Variants in ARB2A observed in about 807,000 individuals in gnomAD.
ARB2A encodes cotranscriptional regulator ARB2A.
the ARB2A span, among the ~76,000 whole-genome samples, chr5:94,032,991 A>AT: frequency 6.6e-6 from 1 of 152,134 alleles, no homozygotes; most frequent in South Asian, 2.1e-4. Context: ...TGCTGTTCTC[A>AT]TGATAGTGAG....
the ARB2A span, among the ~76,000 whole-genome samples, chr5:93,716,228 C>T: frequency 6.6e-6 from 1 of 152,060 alleles, no homozygotes; most frequent in South Asian, 2.1e-4. Context: ...AATCTTGCTA[C>T]CTTTGAGTCT....
chr5:93,773,384 G>C, the ARB2A span, among the ~76,000 whole-genome samples: 1 of 152,144 alleles, frequency 6.6e-6, no homozygotes, highest in African/African-American at 2.4e-5. Context: ...TACACAATGG[G>C]TAATAAGTAG....
the ARB2A span, among the ~76,000 whole-genome samples, chr5:93,956,704 A>G: frequency 7.6e-4 from 116 of 151,852 alleles, no homozygotes; most frequent in African/African-American, 2.6e-3. Flanking sequence ...AGAATGGGAC[A>G]GCTTCTTATT....
the ARB2A span, among the ~76,000 whole-genome samples, chr5:94,081,470 T>A: frequency 1.0e-3 from 154 of 152,254 alleles, no homozygotes; most frequent in Non-Finnish European, 1.9e-3. Context: ...ATAAACAAAA[T>A]ATGGTATATC....
the ARB2A span, among the ~76,000 whole-genome samples, chr5:93,943,761 T>C: frequency 1.3e-5 from 2 of 152,132 alleles, no homozygotes; most frequent in Admixed American, 1.3e-4. Context: ...CTGAAAAATT[T>C]CACACCATAT....
At chr5:93,683,268 C>T in the ARB2A span, 7 of 1,590,192 alleles carry the variant, frequency 4.4e-6, no homozygotes, top group African/African-American at 2.7e-5. Context: ...TTCTGTGGAA[C>T]CTTGCTACCA....
the ARB2A span, among the ~76,000 whole-genome samples, chr5:93,747,670 C>T: frequency 2.6e-5 from 4 of 152,076 alleles, no homozygotes; most frequent in African/African-American, 4.8e-5. Flanking sequence ...GAGCAAAATA[C>T]TCATGCCCAA....
the ARB2A span, among the ~76,000 whole-genome samples, chr5:93,872,244 G>A: frequency 1.9e-4 from 29 of 152,014 alleles, 1 homozygote; most frequent in Admixed American, 1.6e-3. Flanking sequence ...CACTGTGCCC[G>A]GTCCCACTGG....
At chr5:93,840,180 C>T in the ARB2A span, among the ~76,000 whole-genome samples, 6 of 152,042 alleles carry the variant, frequency 3.9e-5, no homozygotes, top group East Asian at 1.9e-4. Context: ...AGCGGTGTCC[C>T]AGAAATTCAG....
At chr5:93,852,536 A>G in the ARB2A span, among the ~76,000 whole-genome samples, 2 of 152,112 alleles carry the variant, frequency 1.3e-5, no homozygotes, top group Non-Finnish European at 2.9e-5. Context: ...GCCCATGCCT[A>G]TGTCCTGAAT....
chr5:93,649,162 G>T, the ARB2A span, among the ~76,000 whole-genome samples: 1 of 151,816 alleles, frequency 6.6e-6, no homozygotes, highest in Non-Finnish European at 1.5e-5. Flanking sequence ...GTTTAAAAAT[G>T]CATTATTTTA....
the ARB2A span, chr5:93,805,844 T>G: frequency 1.0e-6 from 1 of 985,170 alleles, no homozygotes; most frequent in Non-Finnish European, 1.2e-6. Flanking sequence ...GTTGGTTGTA[T>G]ACAGTCAATG....
At chr5:93,775,131 T>C in the ARB2A span, among the ~76,000 whole-genome samples, 1 of 152,194 alleles carries the variant, frequency 6.6e-6, no homozygotes, top group Non-Finnish European at 1.5e-5. Flanking sequence ...TATAGACTTA[T>C]AAAATTCAGC....
At chr5:94,042,314 CTTTT>C in the ARB2A span, among the ~76,000 whole-genome samples, 1 of 103,066 alleles carries the variant, frequency 9.7e-6, no homozygotes, top group Non-Finnish European at 1.9e-5. Flanking sequence ...AAAAGATCAG[CTTTT>C]TTTTTTTTTT....
the ARB2A span, among the ~76,000 whole-genome samples, chr5:93,748,208 A>T: frequency 6.6e-6 from 1 of 152,170 alleles, no homozygotes; most frequent in Non-Finnish European, 1.5e-5. Flanking sequence ...AAAGGAAGAC[A>T]ATATATTAAA....
chr5:93,767,310 T>C, the ARB2A span, among the ~76,000 whole-genome samples: 1 of 151,994 alleles, frequency 6.6e-6, no homozygotes, highest in Non-Finnish European at 1.5e-5. Context: ...ATCAGGGAAA[T>C]GCAAATCAAA....
chr5:93,690,261 T>G, the ARB2A span, among the ~76,000 whole-genome samples: 1 of 152,114 alleles, frequency 6.6e-6, no homozygotes, highest in East Asian at 1.9e-4. Flanking sequence ...TCTAGCTCAG[T>G]GGATCCCACC....
At chr5:94,001,770 C>A in the ARB2A span, among the ~76,000 whole-genome samples, 3 of 152,012 alleles carry the variant, frequency 2.0e-5, no homozygotes, top group Non-Finnish European at 4.4e-5. Flanking sequence ...GTTTAAAATT[C>A]TCAGTCTGGT....
the ARB2A span, among the ~76,000 whole-genome samples, chr5:93,845,273 G>A: frequency 6.6e-6 from 1 of 152,150 alleles, no homozygotes; most frequent in Non-Finnish European, 1.5e-5. Flanking sequence ...TGCTTAATGT[G>A]TCATAATAAA....
Sources: gnomAD v4.1 joint callset for allele counts (sites outside exome capture counted in the v4.1 genomes callset) on GRCh38, gnomAD v4.1.1 for gene constraint, MANE v1.5 for transcripts, NCBI Gene and HGNC (gene_info 2026-07-23, HGNC 2026-07-21) for gene names.